The following ARMC6 variants were observed in gnomAD, a reference collection of about 807,000 sequenced individuals.
ARMC6 encodes armadillo repeat-containing protein 6.
ARMC6 carries 43 observed loss-of-function variants against 49.2 expected under a neutral mutation model. The observed-to-expected ratio is 0.87, with a 90% CI of 0.69 to 1.13. ARMC6 has a LOEUF of 1.13. Among genes scored for constraint, ARMC6 ranks in the 50% most tolerant of loss-of-function variants. ARMC6 has a pLI of 0.00. For synonymous variants in ARMC6, 262 were observed against 289.6 expected (o/e 0.90, Z 0.97); for missense variants, 627 against 682.0 (o/e 0.92, Z 0.90).
chr19:19,042,637 G>T, intron 2 of ARMC6, 74 bp from the exon 3 acceptor site: 1 of 1,542,152 alleles, frequency 6.5e-7, no homozygotes, highest in Non-Finnish European at 8.9e-7. Context: ...CCTAAGTGGC[G>T]TTTTCAAGGT....
chr19:19,050,799 A>C (rs1048938085), intron 4 of ARMC6, among the ~76,000 whole-genome samples: 1 of 152,200 alleles, frequency 6.6e-6, no homozygotes, highest in Non-Finnish European at 1.5e-5. Flanking sequence ...GTGTCAGTCA[A>C]TGCCAAATCA....
chr19:19,042,987 C>T, intron 3 of ARMC6, 110 bp downstream of exon 3: 3 of 1,347,042 alleles, frequency 2.2e-6, no homozygotes, highest in Non-Finnish European at 2.9e-6. Context: ...GCATAGAAAC[C>T]AGGTGCCATT....
At chr19:19,048,210 G>A (rs1355566408) in intron 4 of ARMC6, among the ~76,000 whole-genome samples, 2 of 152,188 alleles carry the variant, frequency 1.3e-5, no homozygotes. Context: ...ACCGGGCATG[G>A]TGGCAGGTGC....
chr19:19,046,935 T>TTTTC (rs1438027669), intron 4 of ARMC6, among the ~76,000 whole-genome samples: 4 of 148,510 alleles, frequency 2.7e-5, no homozygotes, highest in Admixed American at 2.0e-4. Context: ...CTGTTTTTTT[T>TTTTC]TTTTTTTCTT....
At chr19:19,034,044 AAG>A (rs748882211) in intron 1 of ARMC6, 85 bp from the exon 2 acceptor site, 2 of 598,444 alleles carry the variant, frequency 3.3e-6, no homozygotes, top group Non-Finnish European at 5.9e-6. Context: ...AAAAAAATGA[AAG>A]AATTTTACAG....
chr19:19,047,850 G>C (rs779552324), intron 4 of ARMC6, among the ~76,000 whole-genome samples: 1 of 152,166 alleles, frequency 6.6e-6, no homozygotes, highest in Non-Finnish European at 1.5e-5. Context: ...CATGTGAGAC[G>C]TACATTGGTG....
chr19:19,037,017 C>T (rs951614812), intron 2 of ARMC6, among the ~76,000 whole-genome samples: 2 of 151,936 alleles, frequency 1.3e-5, no homozygotes, highest in Non-Finnish European at 2.9e-5. Context: ...GAAACCCTGT[C>T]TCTACTAAAA....
At chr19:19,054,410 GC>G (rs1299524843) in intron 6 of ARMC6, 89 bp downstream of exon 6, 1 of 1,324,052 alleles carries the variant, frequency 7.6e-7, no homozygotes, top group African/African-American at 1.5e-5. Context: ...AGCCCTGCCT[GC>G]CAGTGTCGGA....
At position 19,037,379 on chromosome 19, in the gene ARMC6, C is replaced by CTT. The variant is rs34331029; in HGVS notation, c.29+3155_29+3156dup. Among the ~76,000 whole-genome samples the CTT allele has an allele frequency of 2.8e-3, 401 of 140,852 alleles. 12 individuals carry two copies. Among genetic ancestry groups the CTT allele is most frequent in the South Asian group, 0.022 (97 of 4,464 alleles). The allele number at this position is 140,852 out of a possible 152,430, so 92.4% of individuals were successfully genotyped here. ...GGCCAGAGTGACCTGTTTCTTTTTC[C>CTT]TTTTTTTTTTTTTTTGAGACAAGGT... On this transcript the variant is annotated intron_variant, in intron 2 of 8. Transcript: ENST00000535612.
intron 5 of ARMC6, among the ~76,000 whole-genome samples, chr19:19,052,443 TG>T (rs1455468942): frequency 6.6e-6 from 1 of 152,024 alleles, no homozygotes; most frequent in African/African-American, 2.4e-5. Context: ...TGGAGCTGTC[TG>T]GGGAAGGGGC....
rs2059532279 is a variant in ARMC6, at chr19:19,055,109, G to A, written c.1024-156G>A. Among the ~76,000 whole-genome samples the A allele has an allele frequency of 1.3e-5, 2 of 152,202 alleles. 1 individual carries two copies. Among genetic ancestry groups the A allele is most frequent in the South Asian group, 4.1e-4 (2 of 4,830 alleles). Reference sequence around the variant, plus strand: ...GGTACCGTTTGGACACAGGCAGCCTGAGCCACAGGCATCTGCCACCCCTTC... The same window carrying A: ...GGTACCGTTTGGACACAGGCAGCCTAAGCCACAGGCATCTGCCACCCCTTC... On this transcript the variant is annotated intron_variant, in intron 6 of 8. Coordinates refer to ENST00000535612, the MANE Select transcript of ARMC6 (RefSeq NM_001199196.2). The surrounding 1 kb of genome is among the most constrained non-coding windows in gnomAD (Gnocchi z 5.7).
Position 19,051,701 on chromosome 19 carries a change from A to C in ARMC6, c.359A>C (p.Gln120Pro). 2 of 1,613,904 alleles carry C rather than the reference A, an allele frequency of 1.2e-6. No homozygotes were observed. Among genetic ancestry groups the C allele is most frequent in the Non-Finnish European group, 8.5e-7 (1 of 1,179,996 alleles). Reference sequence around the variant, plus strand: ...GCATACCTCACCCGCTTCTGCGACCAGTGCAAACAGGACAAGGCCTGCCGC... The same window carrying C: ...GCATACCTCACCCGCTTCTGCGACCCGTGCAAACAGGACAAGGCCTGCCGC... ...VSAYLTRFCD[Q>P]CKQDKACRFL... Residue 120 changes from glutamine (Q) to proline (P), a missense_variant, in exon 5 of 9, where the codon CAG becomes CCG. By Grantham distance (76) the Gln-to-Pro change is moderately conservative. Coordinates refer to ENST00000535612, the MANE Select transcript of ARMC6 (RefSeq NM_001199196.2).
intron 2 of ARMC6, among the ~76,000 whole-genome samples, chr19:19,035,571 G>A (rs1477538908): frequency 2.0e-5 from 3 of 152,134 alleles, no homozygotes; most frequent in Non-Finnish European, 2.9e-5. Context: ...GAGGACTCAG[G>A]TCAGGGGTGG....
rs77740485 is a variant in ARMC6 at position 19,052,529 on chromosome 19, G to A, written c.853+334G>A. 6.1e-4 allele frequency among the ~76,000 whole-genome samples: 93 copies of A among 152,262 alleles called. No homozygotes were observed. The East Asian group carries it at 0.017, about 27-fold the overall frequency. On this transcript the variant is annotated intron_variant, in intron 5 of 8. Transcript: ENST00000535612. ...AGAGGGAAATAAGAGGACTCGGGGG[G>A]GCTGGCTGGCATGCACCATGGCAGT...
chr19:19,034,189 G>A lies in ARMC6; in HGVS notation c.-21G>A. 6.3e-7 allele frequency: 1 copy of A among 1,588,584 alleles called. No individual in the cohort carries two copies. Among genetic ancestry groups the A allele is most frequent in the South Asian group, 1.1e-5 (1 of 89,730 alleles). On this transcript the variant is annotated 5_prime_UTR_variant, in exon 2 of 9. Coordinates refer to ENST00000535612, the MANE Select transcript of ARMC6 (RefSeq NM_001199196.2). ...CCCCGTCCTAGGCAGTGGGGACAAG[G>A]AGGCTACAGGGTACAAATAAATGAG...
intron 2 of ARMC6, among the ~76,000 whole-genome samples, chr19:19,040,136 C>T (rs947105131): frequency 2.0e-5 from 3 of 152,128 alleles, no homozygotes; most frequent in East Asian, 1.9e-4. Flanking sequence ...TGATCAGATT[C>T]GGGTTTGAGA....
chr19:19,037,539 G>T (rs1380619268), intron 2 of ARMC6: 1 of 706,632 alleles, frequency 1.4e-6, no homozygotes, highest in Non-Finnish European at 2.2e-6. Flanking sequence ...GCTAATTTTG[G>T]TATTTTTTAT....
intron 6 of ARMC6, among the ~76,000 whole-genome samples, chr19:19,054,756 T>C (rs1041759204): frequency 6.6e-6 from 1 of 151,908 alleles, no homozygotes; most frequent in African/African-American, 2.4e-5. Context: ...CCCCCAGGGG[T>C]GCCACGGTCC....
chr19:19,050,606 A>G (rs1171712197), intron 4 of ARMC6, among the ~76,000 whole-genome samples: 1 of 152,224 alleles, frequency 6.6e-6, no homozygotes, highest in Non-Finnish European at 1.5e-5. Flanking sequence ...TATTCTTTGT[A>G]GTAATGTCTA....
Sources: allele counts gnomAD v4.1 joint callset (sites outside exome capture counted in the v4.1 genomes callset), GRCh38; gene constraint gnomAD v4.1.1; non-coding constraint Gnocchi (gnomAD v3.1); transcripts MANE v1.5; gene names NCBI Gene and HGNC (gene_info 2026-07-23, HGNC 2026-07-21).